ATRN: variants seen among roughly 807,000 people sequenced by gnomAD.
The protein encoded by ATRN is attractin.
Under a neutral mutation model 178.7 loss-of-function variants are expected in ATRN, and 54 were observed. That is an observed-to-expected ratio of 0.30 (90% CI 0.24 to 0.38). ATRN has a LOEUF of 0.38. Among genes scored for constraint, ATRN ranks in the 10% least tolerant of loss-of-function variants. The pLI, the probability that ATRN is intolerant of heterozygous loss-of-function variation, is 1.00. For missense variants in ATRN, 1,443 were observed against 1,815.1 expected (o/e 0.79, Z 3.73); for synonymous variants, 636 against 663.0 (o/e 0.96, Z 0.63).
intron 1 of ATRN, among the ~76,000 whole-genome samples, chr20:3,486,672 AC>A (rs1442518661): frequency 6.6e-6 from 1 of 152,132 alleles, no homozygotes; most frequent in Non-Finnish European, 1.5e-5. Context: ...GTGAGCCACC[AC>A]ACCAAACCAT....
At chr20:3,528,316 G>A (rs1019871911) in intron 1 of ATRN, among the ~76,000 whole-genome samples, 6 of 151,716 alleles carry the variant, frequency 4.0e-5, no homozygotes, top group Non-Finnish European at 8.8e-5. Context: ...GCAGTTGACC[G>A]AGATTGCGCC....
At chr20:3,563,111 G>A in intron 9 of ATRN, 98 bp from the exon 10 acceptor site, 3 of 1,079,190 alleles carry the variant, frequency 2.8e-6, no homozygotes, top group Non-Finnish European at 4.0e-6. Context: ...GTACATTTGG[G>A]TCTGAGGTTA....
chr20:3,580,499 G>C (rs1465526061), intron 15 of ATRN, among the ~76,000 whole-genome samples: 1 of 152,160 alleles, frequency 6.6e-6, no homozygotes, highest in Admixed American at 6.5e-5. Flanking sequence ...GTAGAGCCCA[G>C]ATTTTTATGG....
At position 3,500,942 on chromosome 20, in the gene ATRN, T is replaced by A. The variant is rs1241276850; in HGVS notation, c.410+29425T>A. Among the ~76,000 whole-genome samples, 9 of 152,110 alleles carry A rather than the reference T, an allele frequency of 5.9e-5. 1 individual carries two copies. Among genetic ancestry groups the A allele is most frequent in the Admixed American group, 5.9e-4 (9 of 15,252 alleles). On this transcript the variant is annotated intron_variant, in intron 1 of 28. Transcript: ENST00000262919. ...ATATATAACTAAACGTATATTTACA[T>A]TTAGTTATATATAACTAAATGTATA...
intron 22 of ATRN, among the ~76,000 whole-genome samples, chr20:3,599,248 C>T (rs1269746226): frequency 6.6e-6 from 1 of 151,858 alleles, no homozygotes; most frequent in Non-Finnish European, 1.5e-5. Context: ...ACAAAAGTAC[C>T]ATATATGAAA....
intron 24 of ATRN, among the ~76,000 whole-genome samples, chr20:3,605,665 A>C (rs756532760): frequency 3.7e-4 from 56 of 152,216 alleles, no homozygotes; most frequent in Non-Finnish European, 7.1e-4. Context: ...ACGGAAAACC[A>C]GGTACCACAT....
chr20:3,571,380 AT>A (rs925631837), intron 11 of ATRN, among the ~76,000 whole-genome samples: 26 of 152,272 alleles, frequency 1.7e-4, no homozygotes, highest in Admixed American at 1.2e-3. Context: ...TATTTTTGCT[AT>A]TCTATCTTTG....
At chr20:3,565,518 G>T in intron 11 of ATRN, 86 bp downstream of exon 11, 1 of 1,178,008 alleles carries the variant, frequency 8.5e-7, no homozygotes. Flanking sequence ...CTGTAATTCT[G>T]GCACTTTGGG....
chr20:3,545,202 A>G (rs1168795892), intron 3 of ATRN, among the ~76,000 whole-genome samples: 2 of 152,038 alleles, frequency 1.3e-5, no homozygotes, highest in African/African-American at 2.4e-5. Context: ...TGCTGTCTCT[A>G]CTAAAACTAT....
rs2087042896 is a variant in ATRN at position 3,638,593 on chromosome 20, G to A, written c.3943-235G>A. The stretch of plus-strand genomic sequence containing the variant: ...TGTAAATAGTGCTGCAATAAACATC[G>A]TACGTTAATATGTATCTCTGACAGG... On this transcript the variant is annotated intron_variant, in intron 26 of 28. Coordinates refer to ENST00000262919, the MANE Select transcript of ATRN (RefSeq NM_139321.3). This position sits in a 1 kb window ranked among gnomAD's most constrained non-coding sequence, Gnocchi z 4.5. 6.6e-6 allele frequency among the ~76,000 whole-genome samples: 1 copy of A among 152,074 alleles called. No individual in the cohort carries two copies. Among genetic ancestry groups the A allele is most frequent in the Non-Finnish European group, 1.5e-5 (1 of 68,026 alleles).
intron 1 of ATRN, among the ~76,000 whole-genome samples, chr20:3,517,737 C>G (rs1177239427): frequency 6.6e-6 from 1 of 151,500 alleles, no homozygotes; most frequent in Non-Finnish European, 1.5e-5. Context: ...TGCCACTGCA[C>G]TCCAGCCTGG....
At chr20:3,636,701 T>A (rs2087027696) in intron 26 of ATRN, among the ~76,000 whole-genome samples, 1 of 152,180 alleles carries the variant, frequency 6.6e-6, no homozygotes, top group African/African-American at 2.4e-5. Flanking sequence ...GTTTTATGGA[T>A]GAGGGGACTG....
At chr20:3,492,924 AT>A (rs2084823922) in intron 1 of ATRN, among the ~76,000 whole-genome samples, 2 of 147,286 alleles carry the variant, frequency 1.4e-5, no homozygotes, top group Non-Finnish European at 3.0e-5. Flanking sequence ...ATACATATAT[AT>A]GTGGGTATAT....
intron 1 of ATRN, among the ~76,000 whole-genome samples, chr20:3,515,996 ATTAGAATGCCAGGCATACTTTTAGGC>A (rs1053152456): frequency 1.3e-5 from 2 of 152,234 alleles, no homozygotes; most frequent in Non-Finnish European, 2.9e-5. Flanking sequence ...ACTGAGTGCC[ATTAGAATGCCAGGCATACTTTTAGGC>A]ACTGGAAATA....
intron 19 of ATRN, among the ~76,000 whole-genome samples, chr20:3,594,074 A>G (rs2086489165): frequency 6.6e-6 from 1 of 152,164 alleles, no homozygotes; most frequent in African/African-American, 2.4e-5. Context: ...CCTTCAGAGG[A>G]CAGTCACCTC....
At chr20:3,522,554 C>T (rs1024928026) in intron 1 of ATRN, among the ~76,000 whole-genome samples, 4 of 152,238 alleles carry the variant, frequency 2.6e-5, no homozygotes, top group African/African-American at 9.6e-5. Flanking sequence ...CAGCACACCA[C>T]TCGAGCTCTG....
intron 27 of ATRN, 93 bp from the exon 28 acceptor site, chr20:3,644,061 T>C: frequency 1.1e-6 from 1 of 933,390 alleles, no homozygotes; most frequent in South Asian, 1.5e-5. Flanking sequence ...ATACCTGAAA[T>C]TGATGGTTCT....
chr20:3,519,954 A>G (rs1421582808), intron 1 of ATRN, among the ~76,000 whole-genome samples: 3 of 152,242 alleles, frequency 2.0e-5, no homozygotes, highest in African/African-American at 4.8e-5. Context: ...AAGGATCTAT[A>G]TAAATTCAGA....
At chr20:3,482,203 C>G (rs1201419190) in intron 1 of ATRN, among the ~76,000 whole-genome samples, 2 of 151,302 alleles carry the variant, frequency 1.3e-5, no homozygotes, top group African/African-American at 4.9e-5. Context: ...TGACCTTACT[C>G]TATTTAAAAC....
Sources: gnomAD v4.1 joint callset for allele counts (sites outside exome capture counted in the v4.1 genomes callset) on GRCh38, gnomAD v4.1.1 for gene constraint, Gnocchi (gnomAD v3.1) non-coding constraint, MANE v1.5 for transcripts, NCBI Gene and HGNC (gene_info 2026-07-23, HGNC 2026-07-21) for gene names.